The following CACNG4 variants were observed in gnomAD, a reference collection of about 807,000 sequenced individuals.
The protein encoded by CACNG4 is calcium voltage-gated channel auxiliary subunit gamma 4.
In CACNG4, 8 loss-of-function variants were observed where a neutral mutation model predicts 22.9. The observed-to-expected ratio is 0.35, with a 90% confidence interval of 0.21 to 0.63. CACNG4 has a LOEUF of 0.63. CACNG4 is among the 30% of genes least tolerant of loss of function. The probability of loss-of-function intolerance (pLI) is 0.72; values close to 1 mark genes in which losing one functional copy is unlikely to be tolerated. For synonymous variants in CACNG4, 188 were observed against 191.9 expected (o/e 0.98, Z 0.17); for missense variants, 357 against 455.4 (o/e 0.78, Z 1.97).
rs993521051 is a variant in CACNG4 at position 67,030,165 on chromosome 17, GTGT to G, written c.446-300_446-298del. Among the ~76,000 whole-genome samples the G allele has an allele frequency of 3.9e-5, 6 of 152,092 alleles. No homozygotes were observed. Among genetic ancestry groups the G allele is most frequent in the Non-Finnish European group, 8.8e-5 (6 of 68,010 alleles). ...GGAAATAATAGGGGTGTGTGTGTGT[GTGT>G]GTGTGAAGAGAGAAATTTTTTTTCT... is the stretch of plus-strand genomic sequence containing the variant. On this transcript the variant is annotated intron_variant, in intron 3 of 3. Coordinates refer to ENST00000262138, the MANE Select transcript of CACNG4 (RefSeq NM_014405.4). The surrounding 1 kb of genome is among the most constrained non-coding windows in gnomAD (Gnocchi z 6.4).
In CACNG4 at chr17:67,024,845, C is replaced by G. The variant is rs531600468; in HGVS notation, c.305-15C>G. 4.6e-6 allele frequency: 7 copies of G among 1,524,092 alleles called. No homozygotes were observed. In the South Asian group the frequency reaches 7.6e-5, roughly 17 times the overall value. 94.4% of individuals were successfully genotyped at this position (1,524,092 alleles called of 1,614,324 possible). On this transcript the variant is annotated splice_polypyrimidine_tract_variant and intron_variant, in intron 2 of 3. Transcript: ENST00000262138. ...TCACTGCCCTCTGCTTTGTGCCCCC[C>G]ACCTCCCCGGCCAGGCATCGTGCGA...
intron 1 of CACNG4, among the ~76,000 whole-genome samples, chr17:66,982,167 C>A (rs975817333): frequency 6.6e-6 from 1 of 152,192 alleles, no homozygotes; most frequent in Non-Finnish European, 1.5e-5. Flanking sequence ...CAAGCTTCCA[C>A]GAGTGGGAGG....
chr17:66,972,753 C>A (rs1157192785), intron 1 of CACNG4, among the ~76,000 whole-genome samples: 1 of 151,520 alleles, frequency 6.6e-6, no homozygotes, highest in Non-Finnish European at 1.5e-5. Context: ...TGGTGAAACC[C>A]CGTCTCCGCT....
intron 1 of CACNG4, among the ~76,000 whole-genome samples, chr17:66,973,808 G>A (rs1242447560): frequency 6.6e-5 from 10 of 152,124 alleles, no homozygotes; most frequent in Non-Finnish European, 7.3e-5. Flanking sequence ...CTGGTTCTAA[G>A]CTCCAGGGAG....
In CACNG4 at chr17:67,027,269, G is replaced by T. The variant is rs553297822; in HGVS notation, c.445+2269G>T. On this transcript the variant is annotated intron_variant, in intron 3 of 3. Transcript: ENST00000262138. The surrounding 1 kb of genome is among the most constrained non-coding windows in gnomAD (Gnocchi z 4.3). ...TGCCCCCAGGAGGAGCCGTTTCAAAGGCAGGCCCAGATGCTTGGTGCCACC... is the reference window on the plus strand; with the variant it reads ...TGCCCCCAGGAGGAGCCGTTTCAAATGCAGGCCCAGATGCTTGGTGCCACC... Among the ~76,000 whole-genome samples the T allele has an allele frequency of 3.8e-4, 58 of 152,350 alleles. No individual in the cohort carries two copies. Among genetic ancestry groups the T allele is most frequent in the Admixed American group, 9.1e-4 (14 of 15,314 alleles).
intron 1 of CACNG4, among the ~76,000 whole-genome samples, chr17:67,005,420 C>T (rs190865287): frequency 8.8e-4 from 134 of 152,366 alleles, no homozygotes; most frequent in African/African-American, 3.1e-3. Context: ...AGACGGCCCA[C>T]TCCCTCTCCA....
At chr17:66,986,452 T>C (rs1162431576) in intron 1 of CACNG4, among the ~76,000 whole-genome samples, 1 of 151,970 alleles carries the variant, frequency 6.6e-6, no homozygotes, top group Non-Finnish European at 1.5e-5. Flanking sequence ...ATGGAGGAGA[T>C]GGTGGATTTG....
chr17:67,025,528 G>T (rs913875721), intron 3 of CACNG4, among the ~76,000 whole-genome samples: 1 of 152,258 alleles, frequency 6.6e-6, no homozygotes, highest in Non-Finnish European at 1.5e-5. Flanking sequence ...AGTCCAGGGT[G>T]CCCTGGGAAG....
At chr17:66,965,534 G>C (rs1316674699) in intron 1 of CACNG4, among the ~76,000 whole-genome samples, 1 of 150,172 alleles carries the variant, frequency 6.7e-6, no homozygotes, top group African/African-American at 2.4e-5. Context: ...GAGGGGGCGG[G>C]AGGAGGCTGG....
Position 67,030,924 on chromosome 17 carries a change from C to G in CACNG4, c.904C>G (p.Gln302Glu). 6.2e-7 allele frequency: 1 copy of G among 1,613,436 alleles called. No individual in the cohort carries two copies. The highest frequency in any genetic ancestry group is 8.5e-7 in the Non-Finnish European group (1 of 1,180,018). ...CCCCGACCAGGAGGCCAGCTTCCTG[C>G]AGGTGCATGACTTTTTCCAGCAGGA... The part of the protein sequence containing the change: ...YSPDQEASFL[Q>E]VHDFFQQDLK... Residue 302 changes from glutamine to glutamate, a missense_variant, in exon 4 of 4, where the codon CAG becomes GAG. Coordinates refer to ENST00000262138, the MANE Select transcript of CACNG4 (RefSeq NM_014405.4). The surrounding 1 kb of genome is among the most constrained non-coding windows in gnomAD (Gnocchi z 6.4).
At chr17:67,014,111 G>A (rs1490385689) in intron 1 of CACNG4, among the ~76,000 whole-genome samples, 1 of 152,156 alleles carries the variant, frequency 6.6e-6, no homozygotes, top group East Asian at 1.9e-4. Flanking sequence ...TGGGAGCACA[G>A]CCCAGCGACC....
chr17:66,966,662 T>A (rs1369815183), intron 1 of CACNG4, among the ~76,000 whole-genome samples: 2 of 152,068 alleles, frequency 1.3e-5, no homozygotes, highest in African/African-American at 4.8e-5. Flanking sequence ...CCCACCTCTG[T>A]CTCCCACCCC....
chr17:67,020,272 C>A (rs892564478), intron 2 of CACNG4: 9 of 152,352 alleles, frequency 5.9e-5, no homozygotes, highest in African/African-American at 2.2e-4. Flanking sequence ...GAGTGAGGAT[C>A]TGGAAGAGCA....
intron 1 of CACNG4, among the ~76,000 whole-genome samples, chr17:66,974,951 C>CCCTCCAT (rs2035227278): frequency 7.0e-6 from 1 of 142,288 alleles, no homozygotes; most frequent in African/African-American, 2.5e-5. Context: ...TTGCACCCCT[C>CCCTCCAT]CCTCCCTCCC....
chr17:66,970,460 A>G (rs537934003), intron 1 of CACNG4, among the ~76,000 whole-genome samples: 1 of 152,242 alleles, frequency 6.6e-6, no homozygotes, highest in Non-Finnish European at 1.5e-5. Flanking sequence ...TGGCTTGCAG[A>G]TGGCCGGCTT....
In CACNG4 at chr17:67,024,796, C is replaced by T. The variant is rs114207537; in HGVS notation, c.305-64C>T. The T allele has an allele frequency of 3.5e-3, 5,020 of 1,421,000 alleles. 149 individuals carry two copies. The African/African-American group carries it at 0.065, about 18-fold the overall frequency. The allele number at this position is 1,421,000 out of a possible 1,614,324, so 88.0% of individuals were successfully genotyped here. A position where few individuals can be genotyped will look rare whatever the true frequency, so the allele number is the denominator to read the frequency against. ...CAAGGTTCCTGGGAGACATACGCAG[C>T]CATGCCCGGGAGGGCACCTGATCTC... is the stretch of plus-strand genomic sequence containing the variant. On this transcript the variant is annotated intron_variant, in intron 2 of 3. Coordinates refer to ENST00000262138, the MANE Select transcript of CACNG4 (RefSeq NM_014405.4).
In CACNG4 at chr17:66,984,316, G is replaced by T. The variant is rs1297308944; in HGVS notation, c.220+19185G>T. ...GGATTGCCTGAGCCCTGGAGTTTGA[G>T]GCTGCAGTGAGCCACCACTGCACTC... is the stretch of plus-strand genomic sequence containing the variant. On this transcript the variant is annotated intron_variant, in intron 1 of 3. Coordinates refer to ENST00000262138, the MANE Select transcript of CACNG4 (RefSeq NM_014405.4). The surrounding 1 kb of genome is among the most constrained non-coding windows in gnomAD (Gnocchi z 4.0). Among the ~76,000 whole-genome samples, 3 of 152,168 alleles carry T rather than the reference G, an allele frequency of 2.0e-5. No homozygotes were observed. The highest frequency in any genetic ancestry group is 4.4e-5 in the Non-Finnish European group (3 of 68,030).
chr17:66,965,386 C>T (rs912690004), intron 1 of CACNG4, among the ~76,000 whole-genome samples: 1 of 150,128 alleles, frequency 6.7e-6, no homozygotes, highest in African/African-American at 2.4e-5. Flanking sequence ...CACACCGATC[C>T]CACAAACTCT....
At chr17:67,019,431 C>T (rs111480652) in intron 2 of CACNG4, among the ~76,000 whole-genome samples, 1 of 152,158 alleles carries the variant, frequency 6.6e-6, no homozygotes, top group Admixed American at 6.5e-5. Flanking sequence ...GAGATTTCCA[C>T]AGGGCCGCCA....
Sources: allele counts gnomAD v4.1 joint callset (sites outside exome capture counted in the v4.1 genomes callset), GRCh38; gene constraint gnomAD v4.1.1; non-coding constraint Gnocchi (gnomAD v3.1); transcripts MANE v1.5; gene names NCBI Gene and HGNC (gene_info 2026-07-23, HGNC 2026-07-21).